C15orf39: variants seen among roughly 807,000 people sequenced by gnomAD.
C15orf39 encodes the protein uncharacterized protein C15orf39.
C15orf39 carries 24 observed loss-of-function variants against 53.9 expected under a neutral mutation model. The ratio of observed to expected loss-of-function variants is 0.45; its 90% CI spans 0.32 to 0.63. The LOEUF is 0.63. C15orf39 is among the 20% of genes least tolerant of loss of function. The pLI, the probability that C15orf39 is intolerant of heterozygous loss-of-function variation, is 0.04. For missense variants in C15orf39, 1,271 were observed against 1,347.9 expected (o/e 0.94, Z 0.89); for synonymous variants, 569 against 576.5 (o/e 0.99, Z 0.19).
In C15orf39 at chr15:75,208,887, T is replaced by C. The variant is rs748868040; in HGVS notation, c.2776+63T>C. 5.9e-6 allele frequency: 9 copies of C among 1,529,460 alleles called. No individual in the cohort carries two copies. The South Asian group carries it at 1.1e-4, about 19-fold the overall frequency. 94.7% of individuals were successfully genotyped at this position (1,529,460 alleles called of 1,614,324 possible). A position where few individuals can be genotyped will look rare whatever the true frequency, so the allele number is the denominator to read the frequency against. On this transcript the variant is annotated intron_variant, in intron 2 of 2. Coordinates refer to ENST00000394987, the MANE Select transcript of C15orf39 (RefSeq NM_015492.5). ...GTGAGCAAGTGACAGGTGTGTGTGC[T>C]GTGTGAGTGCGTCACAGCTGGGGCT...
intron 1 of C15orf39, among the ~76,000 whole-genome samples, chr15:75,203,986 G>A (rs1532155): frequency 0.92 from 140,421 of 151,944 alleles, 65,553 homozygotes; most frequent in Non-Finnish European, 1. Flanking sequence ...CTGTCCAGGA[G>A]ATGAACCAGC....
rs371004610 is a variant in C15orf39, at chr15:75,211,383, G to A, written c.*267G>A. 2.2e-5 allele frequency: 9 copies of A among 407,072 alleles called. No homozygotes were observed. Among genetic ancestry groups the A allele is most frequent in the African/African-American group, 8.1e-5 (4 of 49,230 alleles). 25.2% of individuals were successfully genotyped at this position (407,072 alleles called of 1,614,324 possible). On this transcript the variant is annotated 3_prime_UTR_variant, in exon 3 of 3. Transcript: ENST00000394987. ...CCCGACAGACCTGGGCTTGAATCCC[G>A]GCTCGTGTTCTTGCTGCAGGACCTG...
chr15:75,199,010 T>G (rs2070386937), upstream of C15orf39: 1 of 152,202 alleles, frequency 6.6e-6, no homozygotes, highest in African/African-American at 2.4e-5. Flanking sequence ...GGCCTTAGGT[T>G]CCCTGCCTCC....
Position 75,206,887 on chromosome 15 carries a change from C to CCCCA in C15orf39, c.839_840insCCCA (p.Gln281ProfsTer105). 1 of 1,488,674 alleles carries CCCCA rather than the reference C, an allele frequency of 6.7e-7. No homozygotes were observed. The allele number at this position is 1,488,674 out of a possible 1,614,324, so 92.2% of individuals were successfully genotyped here. On this transcript the variant is annotated frameshift_variant, in exon 2 of 3. Coordinates refer to ENST00000394987, the MANE Select transcript of C15orf39 (RefSeq NM_015492.5). LOFTEE classifies it high-confidence loss of function. ...CCCCACCACCCACCACCCCACCCTC[C>CCCCA]ACAGGCCCTGCCTTGCCCTCCAGCC...
At chr15:75,205,477 G>T (rs2070431045) in intron 1 of C15orf39, among the ~76,000 whole-genome samples, 1 of 152,142 alleles carries the variant, frequency 6.6e-6, no homozygotes, top group South Asian at 2.1e-4. Flanking sequence ...ATGGGTGGGG[G>T]TTCTGTGTAG....
upstream of C15orf39, among the ~76,000 whole-genome samples, chr15:75,199,794 A>C (rs1281378964): frequency 6.6e-6 from 1 of 152,004 alleles, no homozygotes; most frequent in African/African-American, 2.4e-5. Flanking sequence ...TGTTAACTCT[A>C]CTCGGGAAGG....
intron 1 of C15orf39, among the ~76,000 whole-genome samples, chr15:75,203,240 G>T (rs1377902597): frequency 3.3e-5 from 5 of 152,358 alleles, no homozygotes; most frequent in African/African-American, 1.2e-4. Flanking sequence ...CTTTCCCACT[G>T]CGTAAGGCAG....
chr15:75,205,585 G>A (rs556142570), intron 1 of C15orf39, among the ~76,000 whole-genome samples: 9 of 152,150 alleles, frequency 5.9e-5, no homozygotes, highest in Non-Finnish European at 1.3e-4. Context: ...ATTTTGGGAG[G>A]CCAAGATGGG....
Position 75,207,168 on chromosome 15 carries a change from C to T in C15orf39, c.1120C>T (p.Gln374Ter), listed in dbSNP as rs1164076803. Residue 374 changes from glutamine (Q) to a stop codon, truncating the protein, a stop_gained, in exon 2 of 3, where the codon CAG becomes TAG. Transcript: ENST00000394987. LOFTEE classifies it high-confidence loss of function. ...ACGGTGCCCATTGGACTTTGCCCCC[C>T]AGACACTGAGTTTTCCTTATGCCCG... ...TPRCPLDFAP[Q>*]TLSFPYARDD... 6.2e-7 allele frequency: 1 copy of T among 1,613,838 alleles called. No homozygotes were observed. The highest frequency in any genetic ancestry group is 1.3e-5 in the African/African-American group (1 of 74,912).
intron 2 of C15orf39, 48 bp from the exon 3 acceptor site, chr15:75,210,701 G>C: frequency 6.5e-7 from 1 of 1,547,046 alleles, no homozygotes; most frequent in Non-Finnish European, 8.7e-7. Context: ...CAGGAGGTGG[G>C]ACCTGAGGGT....
In C15orf39 at chr15:75,208,826, T is replaced by C. The variant is rs1490072009; in HGVS notation, c.2776+2T>C. The C allele has an allele frequency of 6.3e-7, 1 of 1,588,636 alleles. No homozygotes were observed. Among genetic ancestry groups the C allele is most frequent in the Admixed American group, 1.7e-5 (1 of 59,260 alleles). Reference sequence around the variant, plus strand: ...GCGACTGTGTACGCCGCCAGCTGGGTGAGCATGGGGCAGCCCCAGTGGCCA... The same window carrying C: ...GCGACTGTGTACGCCGCCAGCTGGGCGAGCATGGGGCAGCCCCAGTGGCCA... On this transcript the variant is annotated splice_donor_variant, in intron 2 of 2. Transcript: ENST00000394987. LOFTEE classifies it high-confidence loss of function.
In C15orf39 at chr15:75,211,100, A is replaced by G; in HGVS notation, c.3128A>G (p.Gln1043Arg). Residue 1043 changes from glutamine (Q) to arginine (R), a missense_variant, in exon 3 of 3, where the codon CAG becomes CGG. By Grantham distance (43) the Gln-to-Arg change is conservative. Coordinates refer to ENST00000394987, the MANE Select transcript of C15orf39 (RefSeq NM_015492.5). ...PSPCPQLLDSQSHHL is the reference protein window; with the variant it reads ...PSPCPQLLDSRSHHL ...CCCTGCCCACAGCTGCTGGACAGCC[A>G]GAGCCATCACCTGTAGCACTGGTTG... 1 of 1,598,484 alleles carries G rather than the reference A, an allele frequency of 6.3e-7. No individual in the cohort carries two copies. The highest frequency in any genetic ancestry group is 8.5e-7 in the Non-Finnish European group (1 of 1,179,146).
chr15:75,208,787 C>G lies in C15orf39; in HGVS notation c.2739C>G (p.Leu913=), dbSNP rs148644970. 6 of 1,607,192 alleles carry G rather than the reference C, an allele frequency of 3.7e-6. No homozygotes were observed. The highest frequency in any genetic ancestry group is 4.2e-6 in the Non-Finnish European group (5 of 1,179,408). Residue 913 remains leucine (L), a synonymous_variant, in exon 2 of 3, where the codon CTC becomes CTG. Coordinates refer to ENST00000394987, the MANE Select transcript of C15orf39 (RefSeq NM_015492.5). ...RQLPDIYPDL[L]GLQWRDCVRR... ...TGCCGGACATTTACCCCGACCTTCTCGGCCTGCAGTGGCGCGACTGTGTAC... is the reference window on the plus strand; with the variant it reads ...TGCCGGACATTTACCCCGACCTTCTGGGCCTGCAGTGGCGCGACTGTGTAC...
intron 2 of C15orf39, among the ~76,000 whole-genome samples, chr15:75,209,892 T>G (rs1595956829): frequency 6.6e-6 from 1 of 152,210 alleles, no homozygotes; most frequent in Non-Finnish European, 1.5e-5. Flanking sequence ...CCAGAATCCC[T>G]GATCCCTGAG....
At chr15:75,210,654 G>C in intron 2 of C15orf39, 95 bp from the exon 3 acceptor site, 1 of 1,487,966 alleles carries the variant, frequency 6.7e-7, no homozygotes, top group South Asian at 1.3e-5. Context: ...CCTGACTTGG[G>C]GCAGAGCAGA....
In C15orf39 at chr15:75,206,784, C is replaced by T. The variant is rs762672229; in HGVS notation, c.736C>T (p.Pro246Ser). The change falls in exon 2 of 3, where the codon CCC (proline) becomes TCC (serine). Residue 246 changes from proline to serine, a missense_variant. Transcript: ENST00000394987. ...RNSKQAMSEG[P>S]SSPWTQLAQP... ...CTCCAAGCAAGCAATGTCTGAGGGG[C>T]CCTCAAGTCCTTGGACCCAGCTGGC... 4.3e-5 allele frequency: 69 copies of T among 1,610,402 alleles called. No individual in the cohort carries two copies. In the Admixed American group the frequency reaches 1.1e-3, roughly 26 times the overall value.
Position 75,211,436 on chromosome 15 carries a change from C to A in C15orf39, c.*320C>A, listed in dbSNP as rs571863743. 2.0e-4 allele frequency: 62 copies of A among 311,696 alleles called. No homozygotes were observed. The highest frequency in any genetic ancestry group is 1.2e-3 in the African/African-American group (58 of 46,884). 19.3% of individuals were successfully genotyped at this position (311,696 alleles called of 1,614,324 possible). A position where few individuals can be genotyped will look rare whatever the true frequency, so the allele number is the denominator to read the frequency against. The stretch of plus-strand genomic sequence containing the variant: ...CAAGAAACTTCACCTCTGCTGAGCC[C>A]TCATTCCCCATGTGTAAAATGGGAC... On this transcript the variant is annotated 3_prime_UTR_variant, in exon 3 of 3. Transcript: ENST00000394987.
rs528549082 is a variant in C15orf39, at chr15:75,208,170, C to T, written c.2122C>T (p.Leu708=). 3 of 1,613,876 alleles carry T rather than the reference C, an allele frequency of 1.9e-6. No homozygotes were observed. In the South Asian group the frequency reaches 3.3e-5, roughly 18 times the overall value. Residue 708 remains leucine, a synonymous_variant, in exon 2 of 3, where the codon CTG becomes TTG. Coordinates refer to ENST00000394987, the MANE Select transcript of C15orf39 (RefSeq NM_015492.5). ...GTCTGTGACCTGCTTCAGCCTGGCACTGCCCAGCCCTCCAGCCGTAGCTGT... is the reference window on the plus strand; with the variant it reads ...GTCTGTGACCTGCTTCAGCCTGGCATTGCCCAGCCCTCCAGCCGTAGCTGT... ...PLSVTCFSLA[L]PSPPAVAVAS...
Position 75,211,337 on chromosome 15 carries a change from G to T in C15orf39, c.*221G>T. ...GACTACTCCCTATTTCTTGCCTAGAGAACACACATGGGCTTTGGAGCCCGA... is the reference window on the plus strand; with the variant it reads ...GACTACTCCCTATTTCTTGCCTAGATAACACACATGGGCTTTGGAGCCCGA... On this transcript the variant is annotated 3_prime_UTR_variant, in exon 3 of 3. Transcript: ENST00000394987. The T allele has an allele frequency of 1.9e-6, 1 of 531,748 alleles. No homozygotes were observed. The highest frequency in any genetic ancestry group is 3.2e-5 in the East Asian group (1 of 31,410). The allele number at this position is 531,748 out of a possible 1,614,324, so 32.9% of individuals were successfully genotyped here. A position where few individuals can be genotyped will look rare whatever the true frequency, so the allele number is the denominator to read the frequency against.
Sources: allele counts gnomAD v4.1 joint callset (sites outside exome capture counted in the v4.1 genomes callset), GRCh38; gene constraint gnomAD v4.1.1; transcripts MANE v1.5; gene names NCBI Gene and HGNC (gene_info 2026-07-23, HGNC 2026-07-21).